Variants in NKAIN3 observed in about 807,000 individuals in gnomAD.
The protein encoded by NKAIN3 is sodium/potassium transporting ATPase interacting 3, also known as sodium/potassium-transporting ATPase subunit beta-1-interacting protein 3.
Under a neutral mutation model 30.2 loss-of-function variants are expected in NKAIN3, and 25 were observed. That is an observed-to-expected ratio of 0.83 (90% confidence interval 0.60 to 1.16). The LOEUF is 1.16. NKAIN3 is among the 50% of genes most tolerant of loss of function. The pLI is 0.00. For synonymous variants in NKAIN3, 91 were observed against 89.6 expected (o/e 1.02, Z -0.09); for missense variants, 225 against 254.1 (o/e 0.89, Z 0.78).
chr8:62,603,124 A>G (rs1811031550), intron 3 of NKAIN3, among the ~76,000 whole-genome samples: 1 of 152,146 alleles, frequency 6.6e-6, no homozygotes, highest in East Asian at 1.9e-4. Flanking sequence ...ACGTAGAACC[A>G]TTATTCTTAT....
chr8:62,312,462 G>A (rs913411947), intron 1 of NKAIN3, among the ~76,000 whole-genome samples: 3 of 150,388 alleles, frequency 2.0e-5, no homozygotes, highest in Non-Finnish European at 4.4e-5. Flanking sequence ...GATCAACTTT[G>A]GGAAAAGAGA....
chr8:62,662,111 G>A (rs986614204), intron 3 of NKAIN3, among the ~76,000 whole-genome samples: 5 of 152,042 alleles, frequency 3.3e-5, no homozygotes, highest in African/African-American at 1.2e-4. Flanking sequence ...TTTTATAATT[G>A]TCCCTTTTTC....
chr8:62,514,921 C>A (rs1807934359), intron 1 of NKAIN3, among the ~76,000 whole-genome samples: 2 of 152,050 alleles, frequency 1.3e-5, no homozygotes. Flanking sequence ...TCCTTCCACC[C>A]CAAAAGTATC....
At chr8:62,931,276 A>G (rs974363901) in intron 5 of NKAIN3, among the ~76,000 whole-genome samples, 2 of 152,218 alleles carry the variant, frequency 1.3e-5, no homozygotes, top group African/African-American at 4.8e-5. Flanking sequence ...AAATATTGTC[A>G]TGTCTTTCAA....
Position 62,483,675 on chromosome 8 carries a change from A to G in NKAIN3, c.55-95864A>G, listed in dbSNP as rs558201319. The G allele has an allele frequency of 4.6e-5, 12 of 258,870 alleles. No homozygotes were observed. The East Asian group carries it at 4.9e-4, about 11-fold the overall frequency. 16.0% of individuals were successfully genotyped at this position (258,870 alleles called of 1,614,324 possible). On this transcript the variant is annotated intron_variant, in intron 1 of 6. Coordinates refer to ENST00000623646, the MANE Select transcript of NKAIN3 (RefSeq NM_001304533.3). The stretch of plus-strand genomic sequence containing the variant: ...TTGATTCTGAAGGCCGCCTTATCCT[A>G]TGGAGGTTGTCAGGGACAATAAGCC...
chr8:62,617,613 C>T (rs1438934105), intron 3 of NKAIN3, among the ~76,000 whole-genome samples: 1 of 152,164 alleles, frequency 6.6e-6, no homozygotes, highest in Non-Finnish European at 1.5e-5. Flanking sequence ...TGCCCTTTCT[C>T]CTGTTGCATA....
intron 1 of NKAIN3, among the ~76,000 whole-genome samples, chr8:62,510,406 C>T (rs1006120118): frequency 3.9e-5 from 6 of 152,138 alleles, no homozygotes. Context: ...GCCTTCTCCT[C>T]TTCTTCCACT....
In NKAIN3 at chr8:62,918,559, T is replaced by C. The variant is rs1210502752; in HGVS notation, c.532+46T>C. ...CCCTGTGGGTTCCTTTTGAATGAGA[T>C]ACAGCTTCCAAAACTAATCATTACA... On this transcript the variant is annotated intron_variant, in intron 5 of 6. Transcript: ENST00000623646. 4 of 1,291,376 alleles carry C rather than the reference T, an allele frequency of 3.1e-6. No homozygotes were observed. The East Asian group carries it at 9.2e-5, about 30-fold the overall frequency. 80.0% of individuals were successfully genotyped at this position (1,291,376 alleles called of 1,614,324 possible).
In NKAIN3 at chr8:62,417,593, T is replaced by G. The variant is rs1804489140; in HGVS notation, c.55-161946T>G. ...AACTAATTTATCTTCCTACCAACAGTATACAAGAGTTCTCTTTTTTCCACA... is the reference window on the plus strand; with the variant it reads ...AACTAATTTATCTTCCTACCAACAGGATACAAGAGTTCTCTTTTTTCCACA... On this transcript the variant is annotated intron_variant, in intron 1 of 6. Coordinates refer to ENST00000623646, the MANE Select transcript of NKAIN3 (RefSeq NM_001304533.3). Among the ~76,000 whole-genome samples the G allele has an allele frequency of 2.0e-5, 3 of 152,184 alleles. No individual in the cohort carries two copies. The South Asian group carries it at 6.2e-4, about 31-fold the overall frequency.
chr8:62,484,979 ACT>A (rs1367349641), intron 1 of NKAIN3, among the ~76,000 whole-genome samples: 4 of 152,032 alleles, frequency 2.6e-5, no homozygotes, highest in Non-Finnish European at 5.9e-5. Flanking sequence ...CCTGTACATA[ACT>A]CTGTCATTGA....
intron 3 of NKAIN3, among the ~76,000 whole-genome samples, chr8:62,738,531 A>G (rs557626389): frequency 1.0e-4 from 15 of 150,634 alleles, no homozygotes; most frequent in African/African-American, 3.4e-4. Context: ...CCTAGGAGGC[A>G]TAGGTTGCAG....
rs565071003 is a variant in NKAIN3 at position 62,878,186 on chromosome 8, G to T, written c.472-40267G>T. Among the ~76,000 whole-genome samples, 27 of 152,230 alleles carry T rather than the reference G, an allele frequency of 1.8e-4. No individual in the cohort carries two copies. In the South Asian group the frequency reaches 5.4e-3, roughly 30 times the overall value. ...AATACTAAGAGGAATTTTTAGTAAG[G>T]AAATATGTAGATTAGATGTTTGAAG... On this transcript the variant is annotated intron_variant, in intron 4 of 6. Coordinates refer to ENST00000623646, the MANE Select transcript of NKAIN3 (RefSeq NM_001304533.3).
At chr8:62,569,105 C>T (rs577850946) in intron 1 of NKAIN3, among the ~76,000 whole-genome samples, 2 of 152,210 alleles carry the variant, frequency 1.3e-5, no homozygotes, top group South Asian at 4.1e-4. Flanking sequence ...TATAGAATTC[C>T]TGGATCCATC....
At chr8:62,562,721 A>G (rs142421237) in intron 1 of NKAIN3, among the ~76,000 whole-genome samples, 1 of 152,298 alleles carries the variant, frequency 6.6e-6, no homozygotes, top group African/African-American at 2.4e-5. Context: ...TATCTATAGC[A>G]TAAGTACTTT....
At chr8:62,512,077 T>C (rs1024478479) in intron 1 of NKAIN3, among the ~76,000 whole-genome samples, 10 of 152,160 alleles carry the variant, frequency 6.6e-5, no homozygotes, top group African/African-American at 2.4e-4. Context: ...ATATAGTGCT[T>C]TTAGCAAAAT....
rs527384374 is a variant in NKAIN3 at position 62,302,376 on chromosome 8, T to C, written c.54+53249T>C. Among the ~76,000 whole-genome samples the C allele has an allele frequency of 2.1e-4, 32 of 152,194 alleles. No individual in the cohort carries two copies. In the Middle Eastern group the frequency reaches 0.017, roughly 81 times the overall value. On this transcript the variant is annotated intron_variant, in intron 1 of 6. Transcript: ENST00000623646. ...CAAAGAGAGCTCTACAGGTCAATAT[T>C]TCAAAGACTAGACATCGTTTCTAGC...
chr8:62,576,411 T>C (rs1440176517), intron 1 of NKAIN3, among the ~76,000 whole-genome samples: 1 of 152,086 alleles, frequency 6.6e-6, no homozygotes. Flanking sequence ...TCTGTAAAGG[T>C]CTCATTCATT....
rs188449124 is a variant in NKAIN3 at position 62,640,739 on chromosome 8, G to A, written c.273+50945G>A. Among the ~76,000 whole-genome samples the A allele has an allele frequency of 2.0e-4, 31 of 152,086 alleles. No homozygotes were observed. In the East Asian group the frequency reaches 3.1e-3, roughly 15 times the overall value. On this transcript the variant is annotated intron_variant, in intron 3 of 6. Coordinates refer to ENST00000623646, the MANE Select transcript of NKAIN3 (RefSeq NM_001304533.3). ...AGCCCTCATATCACTAAAGGTATCCGTGGGATTCCTCTGAGCACCCCAGAG... is the reference window on the plus strand; with the variant it reads ...AGCCCTCATATCACTAAAGGTATCCATGGGATTCCTCTGAGCACCCCAGAG...
intron 1 of NKAIN3, among the ~76,000 whole-genome samples, chr8:62,336,434 A>G (rs1815554602): frequency 6.6e-6 from 1 of 152,052 alleles, no homozygotes. Flanking sequence ...TCTGGCCTCC[A>G]GTAACATATT....
Sources: allele counts gnomAD v4.1 joint callset (sites outside exome capture counted in the v4.1 genomes callset), GRCh38; gene constraint gnomAD v4.1.1; transcripts MANE v1.5; gene names NCBI Gene and HGNC (gene_info 2026-07-23, HGNC 2026-07-21).